TEKT5: variants seen among roughly 807,000 people sequenced by gnomAD.
The protein encoded by TEKT5 is tektin-5.
A neutral mutation model predicts 48.7 loss-of-function variants in TEKT5; 52 were observed. That is an observed-to-expected ratio of 1.07 (90% CI 0.86 to 1.35). The LOEUF (loss-of-function observed/expected upper bound fraction) is 1.35. Ranked by LOEUF, TEKT5 falls within the 40% of genes most tolerant of loss-of-function variation. TEKT5 has a pLI of 0.00. For synonymous variants in TEKT5, 318 were observed against 267.6 expected, an observed-to-expected ratio of 1.19 and a Z score of -1.84; for missense variants, 831 against 641.6, an observed-to-expected ratio of 1.30 and a Z score of -3.19.
intron 5 of TEKT5, among the ~76,000 whole-genome samples, chr16:10,642,255 C>T (rs1302131078): frequency 6.6e-6 from 1 of 152,212 alleles, no homozygotes; most frequent in Non-Finnish European, 1.5e-5. Flanking sequence ...CTGGAGCACA[C>T]TCTTCAAATG....
intron 5 of TEKT5, among the ~76,000 whole-genome samples, chr16:10,649,313 G>C (rs900590234): frequency 2.0e-5 from 3 of 152,130 alleles, no homozygotes; most frequent in Non-Finnish European, 2.9e-5. Context: ...GTCTTGCTAT[G>C]TTGCCCAGGC....
At chr16:10,643,449 A>G (rs1382134550) in intron 5 of TEKT5, among the ~76,000 whole-genome samples, 1 of 152,176 alleles carries the variant, frequency 6.6e-6, no homozygotes, top group Non-Finnish European at 1.5e-5. Flanking sequence ...AATTTCCACT[A>G]ATACACTGTG....
At chr16:10,628,936 A>C (rs1897795994) in intron 6 of TEKT5, among the ~76,000 whole-genome samples, 1 of 151,566 alleles carries the variant, frequency 6.6e-6, no homozygotes, top group South Asian at 2.1e-4. Context: ...ATGAAATACT[A>C]ATACCTGCAA....
chr16:10,643,616 T>G (rs1327789488), intron 5 of TEKT5, among the ~76,000 whole-genome samples: 1 of 152,218 alleles, frequency 6.6e-6, no homozygotes, highest in Non-Finnish European at 1.5e-5. Flanking sequence ...GCACCAGATT[T>G]TGAAGACTTA....
intron 4 of TEKT5, among the ~76,000 whole-genome samples, chr16:10,681,429 C>G (rs930001382): frequency 1.3e-5 from 2 of 151,646 alleles, no homozygotes; most frequent in East Asian, 3.9e-4. Flanking sequence ...TGGAAAACTC[C>G]TGGAACTCCT....
rs371413369 is a variant in TEKT5 at position 10,627,865 on chromosome 16, CAG to C, written c.1242-68_1242-67del. The C allele has an allele frequency of 1.1e-3, 1,596 of 1,455,700 alleles. 16 individuals carry two copies. The African/African-American group carries it at 0.02, about 18-fold the overall frequency. 90.2% of individuals were successfully genotyped at this position (1,455,700 alleles called of 1,614,324 possible). On this transcript the variant is annotated intron_variant, in intron 6 of 6. Transcript: ENST00000283025. ...ATTTTTATTTGTTTATTTTTTGAGACAGAGTCTCACTCTGTCACCCAGGCTGG... is the reference window on the plus strand; with the variant it reads ...ATTTTTATTTGTTTATTTTTTGAGACAGTCTCACTCTGTCACCCAGGCTGG...
chr16:10,690,811 G>A (rs1375509715), intron 1 of TEKT5: 2 of 982,996 alleles, frequency 2.0e-6, no homozygotes, highest in African/African-American at 1.7e-5. Flanking sequence ...AGCCCGTGAT[G>A]TCACAAAGGG....
intron 5 of TEKT5, among the ~76,000 whole-genome samples, chr16:10,640,043 CTCT>C (rs200064440): frequency 0.022 from 3,263 of 150,938 alleles, 129 homozygotes; most frequent in African/African-American, 0.076. Context: ...CTCCTTCTTT[CTCT>C]TCCTCCTCCT....
chr16:10,640,956 G>A (rs575316159), intron 5 of TEKT5, among the ~76,000 whole-genome samples: 56 of 152,216 alleles, frequency 3.7e-4, no homozygotes, highest in African/African-American at 1.3e-3. Flanking sequence ...TGAGTCTTTG[G>A]GGAGATGTAT....
chr16:10,657,134 CT>C (rs36075825), intron 5 of TEKT5, among the ~76,000 whole-genome samples: 1,339 of 89,970 alleles, frequency 0.015, 19 homozygotes, highest in African/African-American at 0.057. Context: ...TTTTTTTTTT[CT>C]TTTTTTTGAG....
At chr16:10,628,103 C>G (rs145018652) in intron 6 of TEKT5, among the ~76,000 whole-genome samples, 6 of 152,224 alleles carry the variant, frequency 3.9e-5, no homozygotes, top group Admixed American at 2.6e-4. Flanking sequence ...GCCTTGGCCT[C>G]CCAAAGTGCC....
At chr16:10,643,966 C>T (rs566102992) in intron 5 of TEKT5, among the ~76,000 whole-genome samples, 23 of 152,044 alleles carry the variant, frequency 1.5e-4, no homozygotes, top group Non-Finnish European at 2.1e-4. Flanking sequence ...TGCTTGAACC[C>T]GGGAGGAGGA....
intron 5 of TEKT5, among the ~76,000 whole-genome samples, chr16:10,667,920 C>T (rs1208395870): frequency 6.6e-6 from 1 of 151,728 alleles, no homozygotes; most frequent in Non-Finnish European, 1.5e-5. Flanking sequence ...CTCTGTCGCC[C>T]AGGCTGGAGT....
At chr16:10,640,735 G>A (rs1897982651) in intron 5 of TEKT5, among the ~76,000 whole-genome samples, 1 of 150,232 alleles carries the variant, frequency 6.7e-6, no homozygotes, top group Non-Finnish European at 1.5e-5. Flanking sequence ...ATTTGTTTTT[G>A]GAGGGAGGGG....
chr16:10,685,956 G>A (rs553000838), intron 3 of TEKT5, among the ~76,000 whole-genome samples: 32 of 152,264 alleles, frequency 2.1e-4, no homozygotes, highest in African/African-American at 6.7e-4. Context: ...TCTGGGATTA[G>A]TTCACTCTGC....
At chr16:10,672,848 G>T (rs994255151) in intron 5 of TEKT5, among the ~76,000 whole-genome samples, 11 of 146,954 alleles carry the variant, frequency 7.5e-5, no homozygotes, top group South Asian at 4.4e-4. Context: ...TTTTGTTTTT[G>T]TTTTTTTTTG....
intron 5 of TEKT5, among the ~76,000 whole-genome samples, chr16:10,660,154 T>C (rs969412713): frequency 1.3e-5 from 2 of 152,078 alleles, no homozygotes; most frequent in African/African-American, 2.4e-5. Context: ...CAGTATGGGA[T>C]CCAATTTAAC....
intron 5 of TEKT5, among the ~76,000 whole-genome samples, chr16:10,640,481 T>C (rs1317720785): frequency 6.6e-6 from 1 of 151,826 alleles, no homozygotes; most frequent in Non-Finnish European, 1.5e-5. Context: ...ATAGTTGATA[T>C]ACAATAAATT....
At chr16:10,677,102 G>C (rs920074263) in intron 4 of TEKT5, among the ~76,000 whole-genome samples, 1 of 152,160 alleles carries the variant, frequency 6.6e-6, no homozygotes, top group African/African-American at 2.4e-5. Flanking sequence ...GAGGTGGGAG[G>C]ATCGCTTGAG....
Sources: allele counts gnomAD v4.1 joint callset (sites outside exome capture counted in the v4.1 genomes callset), GRCh38; gene constraint gnomAD v4.1.1; transcripts MANE v1.5; gene names NCBI Gene and HGNC (gene_info 2026-07-23, HGNC 2026-07-21).